Variants in BACH2 observed in about 807,000 individuals in gnomAD.
BACH2 encodes BACH transcriptional regulator 2, also known as transcription regulator protein BACH2.
In BACH2, 5 loss-of-function variants were observed where a neutral mutation model predicts 61.8. The observed-to-expected ratio is 0.08, with a 90% CI of 0.04 to 0.17. The LOEUF (loss-of-function observed/expected upper bound fraction) is 0.17. BACH2 is among the 10% of genes least tolerant of loss of function. The probability of loss-of-function intolerance (pLI) is 1.00; values close to 1 mark genes in which losing one functional copy is unlikely to be tolerated. For synonymous variants in BACH2, 446 were observed against 440.1 expected (o/e 1.01, Z -0.17); for missense variants, 824 against 1,091.1 (o/e 0.76, Z 3.45).
At chr6:90,263,885 C>A (rs1771242567) in intron 2 of BACH2, among the ~76,000 whole-genome samples, 5 of 152,106 alleles carry the variant, frequency 3.3e-5, no homozygotes, top group Admixed American at 3.3e-4. Context: ...TGCTCCTAAC[C>A]ACAAGTCTAA....
At chr6:90,188,382 T>A (rs1768434926) in intron 4 of BACH2, among the ~76,000 whole-genome samples, 1 of 152,210 alleles carries the variant, frequency 6.6e-6, no homozygotes, top group African/African-American at 2.4e-5. Flanking sequence ...TCTGTTGATC[T>A]GTGATAGTTT....
intron 4 of BACH2, among the ~76,000 whole-genome samples, chr6:90,149,465 T>G (rs369226085): frequency 3.5e-4 from 54 of 152,268 alleles, no homozygotes; most frequent in African/African-American, 1.3e-3. Context: ...CTCTGTTTGA[T>G]CTCCTGAGAG....
At chr6:89,965,821 C>A (rs936862694) in intron 6 of BACH2, among the ~76,000 whole-genome samples, 1 of 152,194 alleles carries the variant, frequency 6.6e-6, no homozygotes, top group African/African-American at 2.4e-5. Flanking sequence ...TAGCTTGACA[C>A]ACCACTAATC....
intron 4 of BACH2, among the ~76,000 whole-genome samples, chr6:90,157,937 AATAAAG>A (rs1187236130): frequency 1.3e-5 from 2 of 152,162 alleles, no homozygotes; most frequent in East Asian, 3.8e-4. Context: ...TAATTATACA[AATAAAG>A]ATAAAATTGC....
chr6:90,214,501 C>T (rs139169422), intron 3 of BACH2, among the ~76,000 whole-genome samples: 1 of 152,264 alleles, frequency 6.6e-6, no homozygotes, highest in African/African-American at 2.4e-5. Flanking sequence ...AGGGGGCCAG[C>T]TATCTCTCCA....
At chr6:89,967,856 C>T (rs1219584611) in intron 6 of BACH2, among the ~76,000 whole-genome samples, 1 of 152,180 alleles carries the variant, frequency 6.6e-6, no homozygotes, top group East Asian at 1.9e-4. Flanking sequence ...TCTGGATAGT[C>T]AATCAAAGGG....
chr6:90,121,622 A>C (rs1458103654), intron 4 of BACH2, among the ~76,000 whole-genome samples: 5 of 152,114 alleles, frequency 3.3e-5, no homozygotes, highest in Non-Finnish European at 7.4e-5. Context: ...GGCTCACTGC[A>C]ACCTCCACCT....
At position 90,066,561 on chromosome 6, in the gene BACH2, A is replaced by G. The variant is rs558514292; in HGVS notation, c.-13+22400T>C. On this transcript the variant is annotated intron_variant, in intron 5 of 8. Transcript: ENST00000257749. ...AGCAACTAGCCTGGGAGATGGTGGG[A>G]ATATCAAGGTGTCAGCTCCTGATAA... Among the ~76,000 whole-genome samples, 5 of 152,284 alleles carry G rather than the reference A, an allele frequency of 3.3e-5. No individual in the cohort carries two copies. In the East Asian group the frequency reaches 9.6e-4, roughly 29 times the overall value.
At chr6:90,190,382 C>T (rs1435717587) in intron 4 of BACH2, among the ~76,000 whole-genome samples, 1 of 152,194 alleles carries the variant, frequency 6.6e-6, no homozygotes, top group Non-Finnish European at 1.5e-5. Context: ...TCATTCATCA[C>T]CAAAATGTGA....
chr6:90,084,988 G>A (rs945252199), intron 5 of BACH2, among the ~76,000 whole-genome samples: 1 of 152,078 alleles, frequency 6.6e-6, no homozygotes, highest in South Asian at 2.1e-4. Flanking sequence ...CCATAAAACT[G>A]TTGATTGTTC....
intron 3 of BACH2, among the ~76,000 whole-genome samples, chr6:90,252,229 C>T (rs1325104343): frequency 6.6e-6 from 1 of 152,146 alleles, no homozygotes; most frequent in Admixed American, 6.5e-5. Flanking sequence ...GACAGCTTTT[C>T]CCTCCAGCCA....
chr6:90,063,888 T>C (rs1474838049), intron 5 of BACH2, among the ~76,000 whole-genome samples: 7 of 152,204 alleles, frequency 4.6e-5, no homozygotes, highest in African/African-American at 1.7e-4. Context: ...GAAATAAGGA[T>C]ATATCTTATA....
intron 4 of BACH2, among the ~76,000 whole-genome samples, chr6:90,133,583 C>A (rs1784153710): frequency 6.6e-6 from 1 of 151,714 alleles, no homozygotes; most frequent in Admixed American, 6.6e-5. Flanking sequence ...GGTACATGTG[C>A]ACAACGTGCA....
At chr6:90,015,200 C>T (rs933369937) in intron 5 of BACH2, among the ~76,000 whole-genome samples, 9 of 152,136 alleles carry the variant, frequency 5.9e-5, no homozygotes, top group African/African-American at 1.9e-4. Context: ...TGGCTAGAGG[C>T]TTAACCATTT....
At chr6:90,132,864 C>T (rs1784123671) in intron 4 of BACH2, among the ~76,000 whole-genome samples, 1 of 152,164 alleles carries the variant, frequency 6.6e-6, no homozygotes, top group South Asian at 2.1e-4. Flanking sequence ...ACTGTACCCA[C>T]TCCCTGTATT....
In BACH2 at chr6:89,932,604, G is replaced by A; in HGVS notation, c.2330C>T (p.Pro777Leu). The change falls in exon 9 of 9, where the codon CCC becomes CTC. Residue 777 changes from proline (P) to leucine (L), a missense_variant. Pro to Leu is a moderately conservative substitution (Grantham distance 98). Around this residue, in one of 8 missense-constraint regions of BACH2, gnomAD observed 135 missense variants for 142.7 expected, o/e 0.95. Coordinates refer to ENST00000257749, the MANE Select transcript of BACH2 (RefSeq NM_021813.4). ...PCCLEPGAAP[P>L]GPPWAPSNTS... Reference sequence around the variant, plus strand: ...GTTGCTGGGTGCCCAGGGGGGTCCGGGGGGAGCCGCGCCTGGCTCCAAGCA... The same window carrying A: ...GTTGCTGGGTGCCCAGGGGGGTCCGAGGGGAGCCGCGCCTGGCTCCAAGCA... 3 of 1,614,044 alleles carry A rather than the reference G, an allele frequency of 1.9e-6. No homozygotes were observed. Among genetic ancestry groups the A allele is most frequent in the Non-Finnish European group, 2.5e-6 (3 of 1,180,000 alleles).
At chr6:90,287,564 C>A (rs147600289) in intron 1 of BACH2, among the ~76,000 whole-genome samples, 1 of 152,036 alleles carries the variant, frequency 6.6e-6, no homozygotes, top group Non-Finnish European at 1.5e-5. Context: ...CGGCAAAAGG[C>A]GGGAAATGCT....
intron 5 of BACH2, among the ~76,000 whole-genome samples, chr6:90,082,515 C>T (rs1781766429): frequency 6.6e-6 from 1 of 152,046 alleles, no homozygotes; most frequent in African/African-American, 2.4e-5. Context: ...TTCCTAAGTG[C>T]CACCAGCTTG....
chr6:90,180,744 T>C (rs1442601514), intron 4 of BACH2, among the ~76,000 whole-genome samples: 1 of 152,138 alleles, frequency 6.6e-6, no homozygotes, highest in East Asian at 1.9e-4. Context: ...CCATACTGTG[T>C]GAATGGAATG....
Sources: gnomAD v4.1 joint callset for allele counts (sites outside exome capture counted in the v4.1 genomes callset) on GRCh38, gnomAD v4.1.1 for gene constraint, gnomAD v4.1.1 regional missense constraint, MANE v1.5 for transcripts, NCBI Gene and HGNC (gene_info 2026-07-23, HGNC 2026-07-21) for gene names.